LRRC20: variants seen among roughly 807,000 people sequenced by gnomAD.
LRRC20 encodes the protein leucine rich repeat containing 20.
LRRC20 carries 11 observed loss-of-function variants against 14.4 expected under a neutral mutation model. That is an observed-to-expected ratio of 0.77 (90% CI 0.48 to 1.27). The LOEUF (loss-of-function observed/expected upper bound fraction) is 1.27. Ranked by LOEUF, LRRC20 falls within the 50% of genes most tolerant of loss-of-function variation. The probability of loss-of-function intolerance (pLI) is 0.00; values close to 1 mark genes in which losing one functional copy is unlikely to be tolerated. For missense variants in LRRC20, 219 were observed against 251.2 expected (o/e 0.87, Z 0.87); for synonymous variants, 121 against 107.3 (o/e 1.13, Z -0.79).
chr10:70,360,708 G>A (rs2137101006), intron 2 of LRRC20, among the ~76,000 whole-genome samples: 1 of 152,196 alleles, frequency 6.6e-6, no homozygotes, highest in South Asian at 2.1e-4. Context: ...CTCTCAAAGT[G>A]CGAGGATTAC....
intron 3 of LRRC20, among the ~76,000 whole-genome samples, chr10:70,335,555 T>C (rs1842702296): frequency 6.6e-6 from 1 of 152,200 alleles, no homozygotes; most frequent in Non-Finnish European, 1.5e-5. Context: ...CCCTTATGAC[T>C]TGGCTTCAAG....
rs1161217148 is a variant in LRRC20, at chr10:70,340,557, G to A, written c.228C>T (p.Leu76=). Residue 76 remains leucine (L), a synonymous_variant, in exon 3 of 5, where the codon CTC becomes CTT. Transcript: ENST00000446961. ...CTGGAGCTGACCAGGGCCTACCTCG[G>A]AGCTGACTGAATGTGGTCATGAACT... is the stretch of plus-strand genomic sequence containing the variant. ...TSKFMTTFSQ[L]RELHLEGNFL... 1 of 1,614,154 alleles carries A rather than the reference G, an allele frequency of 6.2e-7. No homozygotes were observed. The highest frequency in any genetic ancestry group is 8.5e-7 in the Non-Finnish European group (1 of 1,180,012).
At chr10:70,306,098 T>G (rs1554835870) in intron 4 of LRRC20, among the ~76,000 whole-genome samples, 3 of 75,214 alleles carry the variant, frequency 4.0e-5, no homozygotes, top group Non-Finnish European at 9.1e-5. Flanking sequence ...TGCATGCATT[T>G]TCTGTCTCTC....
rs1481074330 is a variant in LRRC20 at position 70,340,474 on chromosome 10, T to C, written c.232+79A>G. 8 of 1,540,232 alleles carry C rather than the reference T, an allele frequency of 5.2e-6. No homozygotes were observed. In the African/African-American group the frequency reaches 9.5e-5, roughly 18 times the overall value. The stretch of plus-strand genomic sequence containing the variant: ...GTCGCTGACCAGGGACCAGCTCTGG[T>C]GGCACTCCCCAGACAGGGTCAGAGC... On this transcript the variant is annotated intron_variant, in intron 3 of 4. Transcript: ENST00000446961.
At chr10:70,363,272 G>A (rs1351818525) in intron 2 of LRRC20, among the ~76,000 whole-genome samples, 2 of 150,356 alleles carry the variant, frequency 1.3e-5, no homozygotes, top group African/African-American at 2.4e-5. Flanking sequence ...AAGGGGAGGG[G>A]AGGGGAGAAG....
chr10:70,350,935 T>C (rs1350653048), intron 2 of LRRC20, among the ~76,000 whole-genome samples: 2 of 152,176 alleles, frequency 1.3e-5, no homozygotes, highest in East Asian at 1.9e-4. Context: ...CCTGTAATCC[T>C]AGCACTTTGG....
Position 70,340,604 on chromosome 10 carries a change from C to G in LRRC20, c.181G>C (p.Glu61Gln). ...QIHLITLANN[E>Q]LKSLTSKFMT... ...AACTTGCTGGTGAGGGACTTAAGCT[C>G]GTTGTTAGCCAGGGTGATGAGGTGG... The change falls in exon 3 of 5, where the codon GAG becomes CAG. Residue 61 changes from glutamate (E) to glutamine (Q), a missense_variant. Glu to Gln is a conservative substitution (Grantham distance 29). Transcript: ENST00000446961. 6.2e-7 allele frequency: 1 copy of G among 1,614,174 alleles called. No homozygotes were observed. Among genetic ancestry groups the G allele is most frequent in the Non-Finnish European group, 8.5e-7 (1 of 1,180,030 alleles).
At chr10:70,363,246 A>C (rs1843821186) in intron 2 of LRRC20, among the ~76,000 whole-genome samples, 1 of 113,626 alleles carries the variant, frequency 8.8e-6, no homozygotes. Context: ...AAGGGAGGGA[A>C]GGGTGGAGGG....
At chr10:70,319,877 T>C (rs1203548430) in intron 4 of LRRC20, among the ~76,000 whole-genome samples, 1 of 152,206 alleles carries the variant, frequency 6.6e-6, no homozygotes, top group Non-Finnish European at 1.5e-5. Flanking sequence ...AACTGTGTCC[T>C]GGCAGGCCAG....
intron 3 of LRRC20, among the ~76,000 whole-genome samples, chr10:70,337,811 G>C (rs1842769384): frequency 6.6e-6 from 1 of 152,198 alleles, no homozygotes; most frequent in African/African-American, 2.4e-5. Flanking sequence ...GGAGACCCTG[G>C]TGGATTGGCC....
At chr10:70,347,248 G>C (rs1843107177) in intron 2 of LRRC20, among the ~76,000 whole-genome samples, 1 of 152,166 alleles carries the variant, frequency 6.6e-6, no homozygotes, top group Non-Finnish European at 1.5e-5. Context: ...GGGAAAAGCA[G>C]ATCCAAGAAA....
At chr10:70,360,741 C>A (rs1843689530) in intron 2 of LRRC20, among the ~76,000 whole-genome samples, 1 of 152,164 alleles carries the variant, frequency 6.6e-6, no homozygotes, top group Non-Finnish European at 1.5e-5. Flanking sequence ...CCACACTGGG[C>A]CCACTGCATT....
chr10:70,328,706 C>T (rs1330059685), intron 3 of LRRC20, among the ~76,000 whole-genome samples: 2 of 152,144 alleles, frequency 1.3e-5, no homozygotes, highest in Admixed American at 1.3e-4. Context: ...TCACTTGGGG[C>T]CAGGAGTTCA....
intron 2 of LRRC20, among the ~76,000 whole-genome samples, chr10:70,371,062 TAA>T (rs1312356531): frequency 6.6e-6 from 1 of 151,538 alleles, no homozygotes; most frequent in East Asian, 1.9e-4. Context: ...AAGAAAGAAA[TAA>T]GATTATTCCC....
chr10:70,316,539 C>G (rs1234342320), intron 4 of LRRC20, among the ~76,000 whole-genome samples: 9 of 152,218 alleles, frequency 5.9e-5, no homozygotes, highest in Admixed American at 5.9e-4. Context: ...TTGGTTCATC[C>G]AGGTTTCACC....
intron 1 of LRRC20, among the ~76,000 whole-genome samples, chr10:70,379,012 GGGAAT>G (rs1844611022): frequency 6.6e-6 from 1 of 152,136 alleles, no homozygotes; most frequent in Non-Finnish European, 1.5e-5. Context: ...CTTGGGGCCA[GGGAAT>G]AGACCTATAC....
At chr10:70,309,887 A>G (rs1283077647) in intron 4 of LRRC20, among the ~76,000 whole-genome samples, 1 of 152,182 alleles carries the variant, frequency 6.6e-6, no homozygotes, top group Non-Finnish European at 1.5e-5. Context: ...CCCGGAACAC[A>G]TCCCCACGAC....
chr10:70,334,149 TAAA>T (rs71472955), intron 3 of LRRC20, among the ~76,000 whole-genome samples: 2 of 142,654 alleles, frequency 1.4e-5, no homozygotes, highest in African/African-American at 2.6e-5. Context: ...GACTCCATCT[TAAA>T]AAAAAAAAAA....
chr10:70,369,426 A>T (rs1477745618), intron 2 of LRRC20, among the ~76,000 whole-genome samples: 1 of 152,172 alleles, frequency 6.6e-6, no homozygotes, highest in Non-Finnish European at 1.5e-5. Flanking sequence ...CAGCAGCTAT[A>T]AAACAGAGGA....
Sources: gnomAD v4.1 joint callset for allele counts (sites outside exome capture counted in the v4.1 genomes callset) on GRCh38, gnomAD v4.1.1 for gene constraint, MANE v1.5 for transcripts, NCBI Gene and HGNC (gene_info 2026-07-23, HGNC 2026-07-21) for gene names.